MAGT1: variants seen among roughly 807,000 people sequenced by gnomAD.
MAGT1 encodes the protein magnesium transporter 1.
Under a neutral mutation model 28.4 loss-of-function variants are expected in MAGT1, and 4 were observed. The observed-to-expected ratio is 0.14, with a 90% CI of 0.07 to 0.32. The LOEUF (loss-of-function observed/expected upper bound fraction) is 0.32, where lower values mean the gene tolerates loss of function less well. Among genes scored for constraint, MAGT1 ranks in the 10% least tolerant of loss-of-function variants. The probability of loss-of-function intolerance (pLI) is 1.00; values close to 1 mark genes in which losing one functional copy is unlikely to be tolerated. For synonymous variants in MAGT1, 89 were observed against 89.7 expected, an observed-to-expected ratio of 0.99 and a Z score of 0.04; for missense variants, 193 against 264.5, an observed-to-expected ratio of 0.73 and a Z score of 1.88.
intron 1 of MAGT1, among the ~76,000 whole-genome samples, chrX:77,877,812 C>CAAAAT (rs145687006): frequency 0.081 from 2,844 of 34,992 alleles, 75 homozygotes; most frequent in Non-Finnish European, 0.12. Flanking sequence ...GACTCTGTCT[C>CAAAAT]AAAATAAAAT....
At chrX:77,868,235 T>G (rs1749322396) in intron 3 of MAGT1, 1 of 67,520 alleles carries the variant, frequency 1.5e-5, no homozygotes, top group African/African-American at 3.5e-5. Context: ...TACAATTGAG[T>G]AAAATATGTT....
chrX:77,891,313 C>CTTA (rs1557219465), intron 1 of MAGT1, among the ~76,000 whole-genome samples: 6 of 36,286 alleles, frequency 1.7e-4, no homozygotes, highest in Non-Finnish European at 2.7e-4. Context: ...TGTCAGTTCC[C>CTTA]TCATCTATCT....
Position 77,829,204 on chromosome X carries a change from T to A in MAGT1, c.*16A>T. ...AATTTCCAGTACTCCAGTGTCTATA[T>A]ATCTCTGGGACCTTTTTAACTCATC... On this transcript the variant is annotated 3_prime_UTR_variant, in exon 10 of 10. Transcript: ENST00000618282. 1 of 1,195,094 alleles carries A rather than the reference T, an allele frequency of 8.4e-7. No homozygotes were observed. Among genetic ancestry groups the A allele is most frequent in the Non-Finnish European group, 1.1e-6 (1 of 880,495 alleles).
At position 77,832,822 on chromosome X, in the gene MAGT1, CAAAAAAAAAAAAAAAA is replaced by C. The variant is rs72197791; in HGVS notation, c.902-1943_902-1928del. ...TAGGCGAAAAAGCAAGCCTCTGTCT[CAAAAAAAAAAAAAAAA>C]AAAAAAAAAAAGAAAAGAAAAGAAA... is the stretch of plus-strand genomic sequence containing the variant. On this transcript the variant is annotated intron_variant, in intron 8 of 9. Transcript: ENST00000618282. 1.0e-3 allele frequency among the ~76,000 whole-genome samples: 33 copies of C among 32,356 alleles called. No homozygotes were observed. In the South Asian group the frequency reaches 0.017, roughly 16 times the overall value. 28.1% of individuals were successfully genotyped at this position (32,356 alleles called of 115,157 possible).
intron 7 of MAGT1, among the ~76,000 whole-genome samples, chrX:77,848,675 T>A (rs186113525): frequency 9.0e-6 from 1 of 111,720 alleles, no homozygotes; most frequent in African/African-American, 3.2e-5. Flanking sequence ...TAGAAATGAA[T>A]GCAAGATAAT....
chrX:77,864,711 A>ATT (rs35275240), intron 3 of MAGT1, among the ~76,000 whole-genome samples: 23 of 106,244 alleles, frequency 2.2e-4, no homozygotes, highest in East Asian at 3.0e-4. Context: ...TTAAAAAGCA[A>ATT]TTTTTTTTTT....
At chrX:77,869,211 C>T (rs1174223496) in intron 3 of MAGT1, among the ~76,000 whole-genome samples, 1 of 110,397 alleles carries the variant, frequency 9.1e-6, no homozygotes, top group Non-Finnish European at 1.9e-5. Context: ...GATGGAGTTT[C>T]ACCATGTTGG....
At chrX:77,859,220 T>C (rs1391219104) in intron 3 of MAGT1, among the ~76,000 whole-genome samples, 1 of 110,145 alleles carries the variant, frequency 9.1e-6, no homozygotes, top group African/African-American at 3.3e-5. Flanking sequence ...AATAAATAAA[T>C]AAAAAATAAA....
At chrX:77,831,889 G>A (rs928782877) in intron 8 of MAGT1, among the ~76,000 whole-genome samples, 9 of 111,501 alleles carry the variant, frequency 8.1e-5, no homozygotes, top group Admixed American at 3.8e-4. Flanking sequence ...CACGGTGCCC[G>A]GCTTACTTAT....
At chrX:77,886,070 C>T (rs782167282) in intron 1 of MAGT1, among the ~76,000 whole-genome samples, 1 of 111,646 alleles carries the variant, frequency 9.0e-6, no homozygotes, top group South Asian at 3.7e-4. Context: ...AGACACTCCT[C>T]CCTCATCCTC....
At chrX:77,880,308 T>G (rs2077048024) in intron 1 of MAGT1, among the ~76,000 whole-genome samples, 1 of 106,272 alleles carries the variant, frequency 9.4e-6, no homozygotes. Context: ...GGCGGGCAGA[T>G]CACGAGGTCA....
chrX:77,844,881 G>T (rs1295866754), intron 7 of MAGT1, among the ~76,000 whole-genome samples: 1 of 111,510 alleles, frequency 9.0e-6, no homozygotes, highest in Non-Finnish European at 1.9e-5. Flanking sequence ...GTCAATTTTG[G>T]AATAGGTGTT....
chrX:77,870,314 C>G (rs2077017440), intron 3 of MAGT1, among the ~76,000 whole-genome samples: 1 of 110,446 alleles, frequency 9.1e-6, no homozygotes, highest in Admixed American at 9.8e-5. Context: ...GTACGCTGCT[C>G]AGGGGATGGG....
chrX:77,829,042 A>G lies in MAGT1; in HGVS notation c.*178T>C. 1 of 427,329 alleles carries G rather than the reference A, an allele frequency of 2.3e-6. No individual in the cohort carries two copies. The highest frequency in any genetic ancestry group is 4.2e-6 in the Non-Finnish European group (1 of 240,240). 35.2% of individuals were successfully genotyped at this position (427,329 alleles called of 1,213,427 possible). On this transcript the variant is annotated 3_prime_UTR_variant, in exon 10 of 10. Coordinates refer to ENST00000618282, the MANE Select transcript of MAGT1 (RefSeq NM_001367916.1). Reference sequence around the variant, plus strand: ...TTATTTTCAAATACCTCAGATTTTGACAGAGGATTGCTTGTTAAGGCACTA... The same window carrying G: ...TTATTTTCAAATACCTCAGATTTTGGCAGAGGATTGCTTGTTAAGGCACTA...
chrX:77,841,123 GA>G lies in MAGT1; in HGVS notation c.901+122del, dbSNP rs1296869609. On this transcript the variant is annotated intron_variant, in intron 8 of 9. Coordinates refer to ENST00000618282, the MANE Select transcript of MAGT1 (RefSeq NM_001367916.1). The stretch of plus-strand genomic sequence containing the variant: ...TTTAATAACAGATATGACATTTAAA[GA>G]AAAAAATAGTAAAGGGGTAAAATAA... 3.3e-5 allele frequency: 16 copies of G among 484,309 alleles called. No homozygotes were observed. In the African/African-American group the frequency reaches 3.4e-4, roughly 10 times the overall value. 39.9% of individuals were successfully genotyped at this position (484,309 alleles called of 1,213,427 possible).
Position 77,880,282 on chromosome X carries a change from C to A in MAGT1, c.103-4685G>T, listed in dbSNP as rs373022104. On this transcript the variant is annotated intron_variant, in intron 1 of 9. Coordinates refer to ENST00000618282, the MANE Select transcript of MAGT1 (RefSeq NM_001367916.1). Reference sequence around the variant, plus strand: ...CGGTGGCTCACGCCTGTAATCTCAGCACTTTGGGAGGCCAAGGCGGGCAGA... The same window carrying A: ...CGGTGGCTCACGCCTGTAATCTCAGAACTTTGGGAGGCCAAGGCGGGCAGA... 1.3e-3 allele frequency among the ~76,000 whole-genome samples: 147 copies of A among 108,896 alleles called. 1 individual carries two copies. The highest frequency in any genetic ancestry group is 4.7e-3 in the African/African-American group (141 of 30,046). 94.6% of individuals were successfully genotyped at this position (108,896 alleles called of 115,157 possible).
At chrX:77,845,268 C>T (rs1433906673) in intron 7 of MAGT1, among the ~76,000 whole-genome samples, 1 of 110,947 alleles carries the variant, frequency 9.0e-6, no homozygotes, top group East Asian at 2.8e-4. Context: ...GATTGCAACC[C>T]CTGCCTTTGT....
intron 1 of MAGT1, among the ~76,000 whole-genome samples, chrX:77,879,606 A>G (rs1254895661): frequency 9.0e-6 from 1 of 110,800 alleles, no homozygotes; most frequent in Non-Finnish European, 1.9e-5. Context: ...CCTTTTCTAG[A>G]CTATTAGCTA....
At chrX:77,839,340 ATTCT>A (rs2076928516) in intron 8 of MAGT1, among the ~76,000 whole-genome samples, 1 of 102,935 alleles carries the variant, frequency 9.7e-6, no homozygotes, top group Non-Finnish European at 2.0e-5. Flanking sequence ...TGAAACAAAC[ATTCT>A]TTTTTTTTTT....
Sources: allele counts gnomAD v4.1 joint callset (sites outside exome capture counted in the v4.1 genomes callset), GRCh38; gene constraint gnomAD v4.1.1; transcripts MANE v1.5; gene names NCBI Gene and HGNC (gene_info 2026-07-23, HGNC 2026-07-21).